The following SRSF11 variants were observed in gnomAD, a reference collection of about 807,000 sequenced individuals.
SRSF11 encodes the protein serine/arginine-rich splicing factor 11.
SRSF11 carries 9 observed loss-of-function variants against 56.0 expected under a neutral mutation model. The observed-to-expected ratio is 0.16, with a 90% confidence interval of 0.10 to 0.28. The LOEUF is 0.28. Ranked by LOEUF, SRSF11 falls within the 10% of genes least tolerant of loss-of-function variation. The probability of loss-of-function intolerance (pLI) is 1.00; values close to 1 mark genes in which losing one functional copy is unlikely to be tolerated. For missense variants in SRSF11, 421 were observed against 600.7 expected (o/e 0.70, Z 3.13); for synonymous variants, 222 against 215.3 (o/e 1.03, Z -0.27).
chr1:70,216,348 A>C (rs1670005870), intron 1 of SRSF11, among the ~76,000 whole-genome samples: 2 of 151,808 alleles, frequency 1.3e-5, no homozygotes, highest in Non-Finnish European at 2.9e-5. Flanking sequence ...GGAACCTGTA[A>C]GTTATTTCTT....
chr1:70,231,734 T>A (rs1347875684), intron 2 of SRSF11: 12 of 1,229,196 alleles, frequency 9.8e-6, no homozygotes, highest in Middle Eastern at 2.7e-4. Flanking sequence ...TACTTTCTTC[T>A]CTTAATTTTT....
At chr1:70,224,870 A>G (rs1671431192) in intron 1 of SRSF11, among the ~76,000 whole-genome samples, 2 of 152,218 alleles carry the variant, frequency 1.3e-5, no homozygotes, top group South Asian at 4.1e-4. Flanking sequence ...GAAATGCAGC[A>G]TTGTTTGAAT....
At chr1:70,239,325 G>T (rs1674803341) in intron 6 of SRSF11, 114 bp from the exon 7 acceptor site, 1 of 682,904 alleles carries the variant, frequency 1.5e-6, no homozygotes, top group Non-Finnish European at 2.5e-6. Context: ...CTCCTGGACT[G>T]AAGTGTTGCT....
At chr1:70,238,410 A>T (rs966277794) in intron 6 of SRSF11, among the ~76,000 whole-genome samples, 2 of 152,274 alleles carry the variant, frequency 1.3e-5, no homozygotes, top group African/African-American at 4.8e-5. Context: ...TTATAATGAC[A>T]TTCACAATAA....
intron 7 of SRSF11, 41 bp from the exon 8 acceptor site, chr1:70,244,643 T>C: frequency 6.3e-7 from 1 of 1,580,240 alleles, no homozygotes; most frequent in South Asian, 1.1e-5. Flanking sequence ...ATAGTCTTTT[T>C]ACATTTATAC....
intron 9 of SRSF11, chr1:70,248,902 G>A (rs1015432395): frequency 3.3e-5 from 5 of 152,112 alleles, no homozygotes; most frequent in African/African-American, 4.8e-5. Context: ...GTGCACAGTC[G>A]TGACAATGTT....
exon 1 of SRSF11, chr1:70,205,730 G>T (rs535121680): frequency 3.7e-5 from 19 of 513,756 alleles, no homozygotes; most frequent in Middle Eastern, 5.3e-4. Context: ...GGACAGAGAA[G>T]CCTTTTCCGT....
intron 1 of SRSF11, among the ~76,000 whole-genome samples, chr1:70,224,952 A>G (rs1671451767): frequency 6.6e-6 from 1 of 152,106 alleles, no homozygotes. Context: ...AATGTTTTTG[A>G]CCCTGTTTTA....
At chr1:70,231,747 A>C in intron 2 of SRSF11, 1 of 1,241,016 alleles carries the variant, frequency 8.1e-7, no homozygotes, top group South Asian at 1.4e-5. Context: ...TAATTTTTAC[A>C]AAATTTGTAT....
At chr1:70,239,083 G>A (rs1165965479) in intron 6 of SRSF11, among the ~76,000 whole-genome samples, 1 of 152,158 alleles carries the variant, frequency 6.6e-6, no homozygotes, top group African/African-American at 2.4e-5. Flanking sequence ...CCTATTTGAT[G>A]TGTTTTTTTG....
intron 4 of SRSF11, 129 bp from the exon 5 acceptor site, chr1:70,235,372 G>T: frequency 1.3e-5 from 9 of 707,130 alleles, no homozygotes; most frequent in Non-Finnish European, 2.1e-5. Context: ...TTTTAATGTG[G>T]CTACTAAAAA....
rs1359569301 is a variant in SRSF11, at chr1:70,251,933, CTG to C, written c.*1131_*1132del. 7 of 152,698 alleles carry C rather than the reference CTG, an allele frequency of 4.6e-5. No individual in the cohort carries two copies. The highest frequency in any genetic ancestry group is 3.9e-4 in the East Asian group (2 of 5,188). The allele number at this position is 152,698 out of a possible 1,614,324, so 9.5% of individuals were successfully genotyped here. On this transcript the variant is annotated 3_prime_UTR_variant, in exon 12 of 12. Coordinates refer to ENST00000370949, the MANE Select transcript of SRSF11 (RefSeq NM_001350605.2). Reference sequence around the variant, plus strand: ...AGTAGAAACAAAAGTAGGCTACAGTCTGTGCCATGTTGATGTACAGTTTCTGA... The same window carrying C: ...AGTAGAAACAAAAGTAGGCTACAGTCTGCCATGTTGATGTACAGTTTCTGA...
rs80349879 is a variant in SRSF11, at chr1:70,205,856, C to T, written c.-26+76C>T. On this transcript the variant is annotated intron_variant, in intron 1 of 12. Coordinates refer to the SRSF11 transcript ENST00000370950. Reference sequence around the variant, plus strand: ...CTGTTACTGCGACTCCAACCTTCTCCTCTGTGCTTCCACCGTGGCGAGGGT... The same window carrying T: ...CTGTTACTGCGACTCCAACCTTCTCTTCTGTGCTTCCACCGTGGCGAGGGT... 743 of 223,094 alleles carry T rather than the reference C, an allele frequency of 3.3e-3. 6 individuals carry two copies. Among genetic ancestry groups the T allele is most frequent in the African/African-American group, 0.016 (725 of 44,514 alleles). 13.8% of individuals were successfully genotyped at this position (223,094 alleles called of 1,614,324 possible).
intron 2 of SRSF11, chr1:70,230,009 GAATAA>G: frequency 2.0e-6 from 2 of 985,256 alleles, no homozygotes; most frequent in Non-Finnish European, 2.4e-6. Context: ...AATTCAGGAT[GAATAA>G]AATAGAGTAT....
intron 1 of SRSF11, among the ~76,000 whole-genome samples, chr1:70,209,381 C>G (rs1207435184): frequency 1.3e-5 from 2 of 152,112 alleles, no homozygotes; most frequent in African/African-American, 4.8e-5. Flanking sequence ...TAGGAAGTTT[C>G]TTTTTGTGTA....
intron 1 of SRSF11, among the ~76,000 whole-genome samples, chr1:70,226,916 C>T (rs1671907348): frequency 1.3e-5 from 2 of 152,184 alleles, no homozygotes; most frequent in South Asian, 4.1e-4. Flanking sequence ...CAGTGTTTCA[C>T]ATCTAAAAAC....
At chr1:70,220,051 ATT>A (rs1299057123), upstream of SRSF11, among the ~76,000 whole-genome samples, 1 of 152,248 alleles carries the variant, frequency 6.6e-6, no homozygotes, top group Non-Finnish European at 1.5e-5. Flanking sequence ...ATTAAGGTAT[ATT>A]TGTGCGTGTG....
chr1:70,222,344 T>A (rs1387018768), intron 1 of SRSF11, among the ~76,000 whole-genome samples: 1 of 152,202 alleles, frequency 6.6e-6, no homozygotes, highest in African/African-American at 2.4e-5. Context: ...TGACAGACGC[T>A]TAGTTTAGTG....
chr1:70,235,425 T>G (rs1673757231), intron 4 of SRSF11, 76 bp from the exon 5 acceptor site: 1 of 1,242,360 alleles, frequency 8.0e-7, no homozygotes, highest in Non-Finnish European at 1.2e-6. Flanking sequence ...TTTCTGTTGT[T>G]CAGTTTTCTG....
Sources: gnomAD v4.1 joint callset for allele counts (sites outside exome capture counted in the v4.1 genomes callset) on GRCh38, gnomAD v4.1.1 for gene constraint, MANE v1.5 for transcripts, NCBI Gene and HGNC (gene_info 2026-07-23, HGNC 2026-07-21) for gene names.